DPYSL2: variants seen among roughly 807,000 people sequenced by gnomAD.
The protein encoded by DPYSL2 is dihydropyrimidinase like 2.
Under a neutral mutation model 69.9 loss-of-function variants are expected in DPYSL2, and 13 were observed. That is an observed-to-expected ratio of 0.19 (90% CI 0.12 to 0.30). The LOEUF (loss-of-function observed/expected upper bound fraction) is 0.30. Among genes scored for constraint, DPYSL2 ranks in the 10% least tolerant of loss-of-function variants. The probability of loss-of-function intolerance (pLI) is 1.00; values close to 1 mark genes in which losing one functional copy is unlikely to be tolerated. For missense variants in DPYSL2, 587 were observed against 918.9 expected (o/e 0.64, Z 4.67); for synonymous variants, 326 against 359.1 (o/e 0.91, Z 1.04).
At position 26,624,048 on chromosome 8, in the gene DPYSL2, A is replaced by T; in HGVS notation, c.629-95A>T. The T allele has an allele frequency of 7.3e-7, 1 of 1,367,982 alleles. No homozygotes were observed. The highest frequency in any genetic ancestry group is 1.4e-5 in the African/African-American group (1 of 69,652). 84.7% of individuals were successfully genotyped at this position (1,367,982 alleles called of 1,614,324 possible). ...AGATCACCATCTCGATTTTGAACCC[A>T]AGAAGCCTTATTCAGGGTTCAAGTG... On this transcript the variant is annotated intron_variant, in intron 3 of 13. Transcript: ENST00000521913. This position sits in a 1 kb window ranked among gnomAD's most constrained non-coding sequence, Gnocchi z 4.7.
At chr8:26,559,462 G>T (rs1563386730) in intron 1 of DPYSL2, among the ~76,000 whole-genome samples, 1 of 152,166 alleles carries the variant, frequency 6.6e-6, no homozygotes, top group Non-Finnish European at 1.5e-5. Context: ...ACTTAGTACA[G>T]TATTTTCAAT....
In DPYSL2 at chr8:26,627,546, C is replaced by G. The variant is rs327228; in HGVS notation, c.936+251C>G. ...GAGGCCATTTCTCTCGGTGCTGTAA[C>G]GCAGCTGCCTTGGGTGGGGTACGGG... On this transcript the variant is annotated intron_variant, in intron 6 of 13. Transcript: ENST00000521913. The surrounding 1 kb of genome is among the most constrained non-coding windows in gnomAD (Gnocchi z 6.9). 1.3e-5 allele frequency among the ~76,000 whole-genome samples: 2 copies of G among 152,076 alleles called. No individual in the cohort carries two copies. Among genetic ancestry groups the G allele is most frequent in the Non-Finnish European group, 2.9e-5 (2 of 68,004 alleles).
chr8:26,559,521 T>G (rs1801040936), intron 1 of DPYSL2, among the ~76,000 whole-genome samples: 1 of 152,238 alleles, frequency 6.6e-6, no homozygotes, highest in African/African-American at 2.4e-5. Context: ...ATCTCAATTT[T>G]TAAAAATTGT....
In DPYSL2 at chr8:26,624,698, G is replaced by A. The variant is rs1232959931; in HGVS notation, c.793+391G>A. 6.6e-6 allele frequency among the ~76,000 whole-genome samples: 1 copy of A among 152,214 alleles called. No homozygotes were observed. Among genetic ancestry groups the A allele is most frequent in the Non-Finnish European group, 1.5e-5 (1 of 68,044 alleles). Reference sequence around the variant, plus strand: ...GTGAGGATTTGACAGTCTCAGGAGAGTGTTGGGCAGCCCCTTCCTACAAAC... The same window carrying A: ...GTGAGGATTTGACAGTCTCAGGAGAATGTTGGGCAGCCCCTTCCTACAAAC... On this transcript the variant is annotated intron_variant, in intron 4 of 13. Coordinates refer to ENST00000521913, the MANE Select transcript of DPYSL2 (RefSeq NM_001197293.3). The surrounding 1 kb of genome is among the most constrained non-coding windows in gnomAD (Gnocchi z 4.7).
chr8:26,557,494 T>C (rs1384785728), intron 1 of DPYSL2, among the ~76,000 whole-genome samples: 2 of 151,722 alleles, frequency 1.3e-5, no homozygotes, highest in East Asian at 3.9e-4. Context: ...AAAACAACAA[T>C]TAGAACAGGC....
intron 1 of DPYSL2, among the ~76,000 whole-genome samples, chr8:26,546,004 T>C (rs901554310): frequency 5.3e-5 from 8 of 152,168 alleles, no homozygotes; most frequent in Admixed American, 2.0e-4. Context: ...TTAGATTTCA[T>C]TTGTTGATAT....
At position 26,564,648 on chromosome 8, in the gene DPYSL2, G is replaced by T. The variant is rs1169435890; in HGVS notation, c.355-17321G>T. On this transcript the variant is annotated intron_variant, in intron 1 of 13. Coordinates refer to ENST00000521913, the MANE Select transcript of DPYSL2 (RefSeq NM_001197293.3). This position sits in a 1 kb window ranked among gnomAD's most constrained non-coding sequence, Gnocchi z 4.8. ...GATTGAGGATGACCCAGGAAGCATG[G>T]CAAAGGTGGTGACAGCTGCTGAGAG... Among the ~76,000 whole-genome samples, 3 of 152,200 alleles carry T rather than the reference G, an allele frequency of 2.0e-5. No individual in the cohort carries two copies. Among genetic ancestry groups the T allele is most frequent in the African/African-American group, 7.2e-5 (3 of 41,440 alleles).
rs1802297891 is a variant in DPYSL2 at position 26,614,206 on chromosome 8, A to G, written c.629-9937A>G. Among the ~76,000 whole-genome samples, 1 of 152,192 alleles carries G rather than the reference A, an allele frequency of 6.6e-6. No homozygotes were observed. The highest frequency in any genetic ancestry group is 1.5e-5 in the Non-Finnish European group (1 of 68,028). On this transcript the variant is annotated intron_variant, in intron 3 of 13. Coordinates refer to ENST00000521913, the MANE Select transcript of DPYSL2 (RefSeq NM_001197293.3). This position sits in a 1 kb window ranked among gnomAD's most constrained non-coding sequence, Gnocchi z 4.9. The stretch of plus-strand genomic sequence containing the variant: ...AGCCAGCGGAAGATTCTTCTGAGAC[A>G]TGGGAAGTAAATTTGCAAGATTGCT...
intron 1 of DPYSL2, among the ~76,000 whole-genome samples, chr8:26,538,059 G>T (rs1243367861): frequency 6.6e-6 from 1 of 152,120 alleles, no homozygotes; most frequent in African/African-American, 2.4e-5. Context: ...AGCAATGCTG[G>T]ATCTTCTGGG....
rs186267256 is a variant in DPYSL2 at position 26,624,072 on chromosome 8, T to C, written c.629-71T>C. 42 of 1,560,340 alleles carry C rather than the reference T, an allele frequency of 2.7e-5. No homozygotes were observed. In the African/African-American group the frequency reaches 5.4e-4, roughly 20 times the overall value. On this transcript the variant is annotated intron_variant, in intron 3 of 13. Transcript: ENST00000521913. The surrounding 1 kb of genome is among the most constrained non-coding windows in gnomAD (Gnocchi z 4.7). ...CAAGAAGCCTTATTCAGGGTTCAAG[T>C]GGGAAAATACCTGCTGGCCCACGGC...
intron 1 of DPYSL2, among the ~76,000 whole-genome samples, chr8:26,542,487 T>A (rs369812403): frequency 1.3e-5 from 2 of 152,058 alleles, no homozygotes; most frequent in African/African-American, 4.8e-5. Context: ...AGTGGCATGA[T>A]CATAGGTCAC....
intron 7 of DPYSL2, among the ~76,000 whole-genome samples, chr8:26,628,395 A>G (rs1299565834): frequency 6.6e-6 from 1 of 152,222 alleles, no homozygotes; most frequent in African/African-American, 2.4e-5. Context: ...CATGATATGC[A>G]GAGTTTGGTA....
chr8:26,577,137 G>A, intron 1 of DPYSL2: 1 of 445,712 alleles, frequency 2.2e-6, no homozygotes, highest in South Asian at 1.6e-5. Context: ...GCTCGGAGTT[G>A]GAAGGGTTTC....
intron 3 of DPYSL2, among the ~76,000 whole-genome samples, chr8:26,602,138 A>ATTTTTTTTTTTTT (rs374443692): frequency 6.7e-5 from 9 of 135,298 alleles, no homozygotes; most frequent in Non-Finnish European, 9.4e-5. Context: ...AACAAAGGAA[A>ATTTTTTTTTTTTT]TTTTTTTTTT....
At chr8:26,595,458 T>C (rs1421088523) in intron 3 of DPYSL2, among the ~76,000 whole-genome samples, 1 of 152,186 alleles carries the variant, frequency 6.6e-6, no homozygotes, top group Non-Finnish European at 1.5e-5. Flanking sequence ...TCAGCCTTTT[T>C]TGGCATTCAA....
intron 1 of DPYSL2, chr8:26,576,994 A>G (rs1050101241): frequency 1.9e-5 from 6 of 309,572 alleles, no homozygotes; most frequent in African/African-American, 9.3e-5. Context: ...ATCGCGCCAC[A>G]TCGGCCTCGG....
At chr8:26,557,568 A>G (rs1426459013) in intron 1 of DPYSL2, among the ~76,000 whole-genome samples, 1 of 141,192 alleles carries the variant, frequency 7.1e-6, no homozygotes, top group East Asian at 2.3e-4. Flanking sequence ...ATTTGAGGCC[A>G]GGAGTTTGAG....
At position 26,580,810 on chromosome 8, in the gene DPYSL2, G is replaced by T. The variant is rs1452867737; in HGVS notation, c.355-1159G>T. Among the ~76,000 whole-genome samples the T allele has an allele frequency of 6.6e-6, 1 of 152,170 alleles. No individual in the cohort carries two copies. The highest frequency in any genetic ancestry group is 1.5e-5 in the Non-Finnish European group (1 of 68,040). On this transcript the variant is annotated intron_variant, in intron 1 of 13. Transcript: ENST00000521913. This position sits in a 1 kb window ranked among gnomAD's most constrained non-coding sequence, Gnocchi z 4.1. ...AAAAGGGCAATGTATGGTTCAGCTTGCCAGGTTTAAGCCCATTCTGTATAA... is the reference window on the plus strand; with the variant it reads ...AAAAGGGCAATGTATGGTTCAGCTTTCCAGGTTTAAGCCCATTCTGTATAA...
intron 1 of DPYSL2, among the ~76,000 whole-genome samples, chr8:26,541,922 A>G (rs1222384710): frequency 3.3e-5 from 5 of 152,358 alleles, no homozygotes; most frequent in Middle Eastern, 3.4e-3. Context: ...CAAAATGGCA[A>G]TGGTAAATCC....
Sources: allele counts gnomAD v4.1 joint callset (sites outside exome capture counted in the v4.1 genomes callset), GRCh38; gene constraint gnomAD v4.1.1; non-coding constraint Gnocchi (gnomAD v3.1); transcripts MANE v1.5; gene names NCBI Gene and HGNC (gene_info 2026-07-23, HGNC 2026-07-21).